TUSC3: variants seen among roughly 807,000 people sequenced by gnomAD.
TUSC3 encodes the protein tumor suppressor candidate 3, also known as dolichyl-diphosphooligosaccharide--protein glycosyltransferase subunit TUSC3.
TUSC3 carries 45 observed loss-of-function variants against 44.8 expected under a neutral mutation model. The ratio of observed to expected loss-of-function variants is 1.00; its 90% CI spans 0.79 to 1.29. TUSC3 has a LOEUF of 1.29. Among genes scored for constraint, TUSC3 ranks in the 50% most tolerant of loss-of-function variants. The pLI, the probability that TUSC3 is intolerant of heterozygous loss-of-function variation, is 0.00. For missense variants in TUSC3, 519 were observed against 437.9 expected (o/e 1.19, Z -1.65); for synonymous variants, 212 against 152.9 (o/e 1.39, Z -2.85).
At chr8:15,576,846 C>G (rs977194193) in intron 1 of TUSC3, among the ~76,000 whole-genome samples, 2 of 135,304 alleles carry the variant, frequency 1.5e-5, no homozygotes, top group African/African-American at 5.6e-5. Flanking sequence ...ATGGCTGGGT[C>G]AAATGGTATT....
chr8:15,733,095 T>C (rs889506702), intron 7 of TUSC3, among the ~76,000 whole-genome samples: 2 of 152,168 alleles, frequency 1.3e-5, no homozygotes, highest in Non-Finnish European at 2.9e-5. Context: ...CCTGCTTTAA[T>C]ATGGTAAGAG....
At chr8:15,561,339 C>G (rs1419080100) in intron 1 of TUSC3, among the ~76,000 whole-genome samples, 1 of 145,768 alleles carries the variant, frequency 6.9e-6, no homozygotes, top group Non-Finnish European at 1.5e-5. Context: ...CAGGGACCCA[C>G]TTGAGGAGGC....
At chr8:15,554,030 G>C (rs1457180315) in intron 1 of TUSC3, among the ~76,000 whole-genome samples, 1 of 151,508 alleles carries the variant, frequency 6.6e-6, no homozygotes, top group Non-Finnish European at 1.5e-5. Context: ...GGAAGTCCAA[G>C]ATCAAGGTGA....
chr8:15,755,985 G>C (rs1396362639), intron 9 of TUSC3, among the ~76,000 whole-genome samples: 2 of 152,144 alleles, frequency 1.3e-5, no homozygotes, highest in Admixed American at 1.3e-4. Context: ...GATACATCAA[G>C]TCTCTGCTTT....
chr8:15,850,825 A>G, the TUSC3 span, among the ~76,000 whole-genome samples: 2 of 152,360 alleles, frequency 1.3e-5, no homozygotes, highest in East Asian at 3.9e-4. Context: ...AAAAGGCCAC[A>G]TAATCTTTGG....
chr8:15,781,389 A>G, the TUSC3 span, among the ~76,000 whole-genome samples: 32 of 152,248 alleles, frequency 2.1e-4, 1 homozygote, highest in South Asian at 1.5e-3. Flanking sequence ...TAAAACAAAC[A>G]CAGCAGTTTG....
At chr8:15,661,418 A>G (rs997133440) in intron 4 of TUSC3, among the ~76,000 whole-genome samples, 7 of 151,938 alleles carry the variant, frequency 4.6e-5, no homozygotes, top group African/African-American at 1.7e-4. Flanking sequence ...GTCCTTTGCT[A>G]CTTTTTAAAT....
At chr8:15,771,057 T>G (rs1256000718), downstream of TUSC3, among the ~76,000 whole-genome samples, 1 of 152,138 alleles carries the variant, frequency 6.6e-6, no homozygotes, top group Non-Finnish European at 1.5e-5. Flanking sequence ...CTCAGTAAGA[T>G]TAATAGCCAG....
At chr8:15,626,799 C>T (rs943266217) in intron 2 of TUSC3, among the ~76,000 whole-genome samples, 14 of 152,224 alleles carry the variant, frequency 9.2e-5, no homozygotes, top group African/African-American at 3.1e-4. Flanking sequence ...TCTGGACTTT[C>T]GGCATAAACG....
At chr8:15,563,584 G>T (rs1054818822) in intron 1 of TUSC3, among the ~76,000 whole-genome samples, 8 of 150,660 alleles carry the variant, frequency 5.3e-5, no homozygotes, top group African/African-American at 1.9e-4. Context: ...TACTCAGGAG[G>T]CTGAGGCAGA....
intron 6 of TUSC3, among the ~76,000 whole-genome samples, chr8:15,727,732 G>C (rs577383377): frequency 6.6e-6 from 1 of 152,158 alleles, no homozygotes; most frequent in Non-Finnish European, 1.5e-5. Context: ...CAGCTTCTCG[G>C]CCTTTTGGCT....
the TUSC3 span, among the ~76,000 whole-genome samples, chr8:15,801,227 T>C: frequency 6.6e-6 from 1 of 152,348 alleles, no homozygotes. Flanking sequence ...TTTTAGACCA[T>C]ATACGGTAAT....
chr8:15,832,917 C>A, the TUSC3 span, among the ~76,000 whole-genome samples: 1 of 152,094 alleles, frequency 6.6e-6, no homozygotes. Flanking sequence ...GAACTCATCA[C>A]TGGATTAAAT....
At chr8:15,842,844 G>C in the TUSC3 span, among the ~76,000 whole-genome samples, 2 of 152,154 alleles carry the variant, frequency 1.3e-5, no homozygotes, top group Admixed American at 6.5e-5. Context: ...CACTGTTTTA[G>C]CTTTCACGGT....
intron 6 of TUSC3, among the ~76,000 whole-genome samples, chr8:15,720,458 T>TA (rs546001361): frequency 1.2e-4 from 19 of 152,224 alleles, no homozygotes; most frequent in Non-Finnish European, 1.9e-4. Flanking sequence ...AACCATGTTA[T>TA]ATAGGCCTAA....
intron 6 of TUSC3, among the ~76,000 whole-genome samples, chr8:15,729,729 A>G (rs189220753): frequency 6.6e-6 from 1 of 152,192 alleles, no homozygotes; most frequent in East Asian, 1.9e-4. Context: ...GTGGGAGGAA[A>G]GTGAGGATTG....
rs757067697 is a variant in TUSC3, at chr8:15,736,028, A to G, written c.862+5299A>G. 2.6e-5 allele frequency among the ~76,000 whole-genome samples: 4 copies of G among 152,028 alleles called. No individual in the cohort carries two copies. The East Asian group carries it at 5.8e-4, about 22-fold the overall frequency. On this transcript the variant is annotated intron_variant, in intron 7 of 10. Transcript: ENST00000503731. Reference sequence around the variant, plus strand: ...CAGGCATGAGCCACCACGCCCGGCGATATTTCTTTAGTTATTCTATCGTAT... The same window carrying G: ...CAGGCATGAGCCACCACGCCCGGCGGTATTTCTTTAGTTATTCTATCGTAT...
the TUSC3 span, among the ~76,000 whole-genome samples, chr8:15,772,116 C>T: frequency 1.3e-5 from 2 of 151,606 alleles, no homozygotes; most frequent in Non-Finnish European, 2.9e-5. Flanking sequence ...AAAGAAAGAT[C>T]TTGAATTAAT....
chr8:15,764,564 G>A lies in TUSC3; in HGVS notation c.*408G>A, dbSNP rs1812274857. On this transcript the variant is annotated 3_prime_UTR_variant, in exon 11 of 11. Coordinates refer to ENST00000503731, the MANE Select transcript of TUSC3 (RefSeq NM_006765.4). ...GAAAACCTATGAAATGTATGTTAAA[G>A]ATTCTTAGTATTGTACAGGGATAAA... 1 of 268,486 alleles carries A rather than the reference G, an allele frequency of 3.7e-6. No homozygotes were observed. The highest frequency in any genetic ancestry group is 2.2e-5 in the African/African-American group (1 of 44,678). 16.6% of individuals were successfully genotyped at this position (268,486 alleles called of 1,614,324 possible). A position where few individuals can be genotyped will look rare whatever the true frequency, so the allele number is the denominator to read the frequency against.
Sources: gnomAD v4.1 joint callset for allele counts (sites outside exome capture counted in the v4.1 genomes callset) on GRCh38, gnomAD v4.1.1 for gene constraint, MANE v1.5 for transcripts, NCBI Gene and HGNC (gene_info 2026-07-23, HGNC 2026-07-21) for gene names.